Variants in NECAB3 observed in about 807,000 individuals in gnomAD.
NECAB3 encodes N-terminal EF-hand calcium-binding protein 3.
A neutral mutation model predicts 57.2 loss-of-function variants in NECAB3; 38 were observed. The ratio of observed to expected loss-of-function variants is 0.66; its 90% CI spans 0.51 to 0.87. The LOEUF (loss-of-function observed/expected upper bound fraction) is 0.87. NECAB3 is among the 40% of genes least tolerant of loss of function. NECAB3 has a pLI of 0.00. For synonymous variants in NECAB3, 223 were observed against 222.6 expected, an observed-to-expected ratio of 1.00 and a Z score of -0.02; for missense variants, 474 against 527.5, an observed-to-expected ratio of 0.90 and a Z score of 0.99.
At chr20:33,669,278 G>A (rs778441741) in intron 5 of NECAB3, 97 bp downstream of exon 5, 2 of 1,302,284 alleles carry the variant, frequency 1.5e-6, no homozygotes, top group African/African-American at 2.9e-5. Flanking sequence ...CAAGCCCCTA[G>A]CTCTATAACC....
At chr20:33,675,295 A>G (rs539246450), upstream of NECAB3, 1 of 153,404 alleles carries the variant, frequency 6.5e-6, no homozygotes, top group Admixed American at 6.5e-5. Context: ...AGGAGGTAAC[A>G]CCCGTGTCCC....
rs1473838200 is a variant in NECAB3 at position 33,660,296 on chromosome 20, C to T, written c.487G>A (p.Ala163Thr). 6 of 1,613,156 alleles carry T rather than the reference C, an allele frequency of 3.7e-6. No individual in the cohort carries two copies. Among genetic ancestry groups the T allele is most frequent in the African/African-American group, 2.7e-5 (2 of 74,930 alleles). The change falls in exon 6 of 12, where the codon GCG becomes ACG. Residue 163 changes from alanine (A) to threonine (T), a missense_variant. Coordinates refer to ENST00000246190, the MANE Select transcript of NECAB3 (RefSeq NM_031232.4). The surrounding 1 kb of genome is among the most constrained non-coding windows in gnomAD (Gnocchi z 4.1). ...GCCTGGGCCTCCAGGGTATCTGACG[C>T]CCCCTCCAGCGAGCTCTGAAGGGCT... is the stretch of plus-strand genomic sequence containing the variant. ...LQALQSSLEG[A>T]SDTLEAQAHG...
intron 5 of NECAB3, chr20:33,668,073 C>CGCGGCCCT: frequency 6.3e-7 from 1 of 1,580,514 alleles, no homozygotes; most frequent in Non-Finnish European, 8.6e-7. Context: ...GGCACGGCTA[C>CGCGGCCCT]GCGGCCCTGC....
intron 5 of NECAB3, chr20:33,667,560 G>GGCGGGC (rs1188619635): frequency 1.3e-6 from 2 of 1,551,252 alleles, no homozygotes; most frequent in Non-Finnish European, 1.7e-6. Flanking sequence ...TGGCCGTGGA[G>GGCGGGC]GCGGGCGCGG....
chr20:33,668,019 C>T, intron 5 of NECAB3: 3 of 1,541,730 alleles, frequency 1.9e-6, no homozygotes, highest in African/African-American at 1.4e-5. Flanking sequence ...TGTTTCCTGG[C>T]TTCGCCGAGC....
chr20:33,662,346 A>G (rs2017504783), intron 5 of NECAB3: 2 of 1,551,190 alleles, frequency 1.3e-6, no homozygotes, highest in South Asian at 1.2e-5. Context: ...CAGCCCTGCC[A>G]TGGGAAACTA....
chr20:33,668,112 T>C (rs1385678487), intron 5 of NECAB3: 2 of 1,609,462 alleles, frequency 1.2e-6, no homozygotes, highest in African/African-American at 1.3e-5. Flanking sequence ...AGCATGGGCG[T>C]GGCATGGCTG....
At chr20:33,658,154 C>A in intron 10 of NECAB3, 121 bp from the exon 11 acceptor site, 1 of 862,564 alleles carries the variant, frequency 1.2e-6, no homozygotes, top group Non-Finnish European at 1.8e-6. Context: ...CCCTGTGACA[C>A]GGGGAAGCTG....
chr20:33,674,270 T>A lies in NECAB3; in HGVS notation c.83A>T (p.Gln28Leu), dbSNP rs2017900165. 1 of 1,229,698 alleles carries A rather than the reference T, an allele frequency of 8.1e-7. No individual in the cohort carries two copies. Among genetic ancestry groups the A allele is most frequent in the Non-Finnish European group, 1.0e-6 (1 of 985,742 alleles). 76.2% of individuals were successfully genotyped at this position (1,229,698 alleles called of 1,614,324 possible). A position where few individuals can be genotyped will look rare whatever the true frequency, so the allele number is the denominator to read the frequency against. ...GGCGGGCCCCGGGTCGGGCGCGAGCTGGGGGTGCCGCGGGGTCTGGGGCTG... is the reference window on the plus strand; with the variant it reads ...GGCGGGCCCCGGGTCGGGCGCGAGCAGGGGGTGCCGCGGGGTCTGGGGCTG... The part of the protein sequence containing the change: ...QPQPQTPRHP[Q>L]LAPDPGPAGH... Residue 28 changes from glutamine to leucine, a missense_variant, in exon 1 of 12, where the codon CAG becomes CTG. Coordinates refer to ENST00000246190, the MANE Select transcript of NECAB3 (RefSeq NM_031232.4).
intron 5 of NECAB3, 87 bp downstream of exon 5, chr20:33,669,288 C>G (rs1260673359): frequency 1.3e-5 from 19 of 1,415,080 alleles, no homozygotes; most frequent in Non-Finnish European, 1.9e-5. Context: ...GCTCTATAAC[C>G]CTGAGTCAAG....
chr20:33,674,492 A>T, upstream of NECAB3: 1 of 789,000 alleles, frequency 1.3e-6, no homozygotes, highest in Non-Finnish European at 1.5e-6. Flanking sequence ...GCCCCCGCGG[A>T]CGCCGGGTTC....
intron 5 of NECAB3, chr20:33,667,830 G>T (rs758710940): frequency 6.2e-7 from 1 of 1,611,664 alleles, no homozygotes; most frequent in South Asian, 1.1e-5. Flanking sequence ...TGGGTAACGG[G>T]TGCTGCGTCT....
intron 5 of NECAB3, chr20:33,663,856 C>T: frequency 1.4e-6 from 2 of 1,402,320 alleles, no homozygotes; most frequent in South Asian, 3.1e-5. Flanking sequence ...CTGCCCTCGC[C>T]CGCAGCTTTA....
intron 1 of NECAB3, 21 bp downstream of exon 1, chr20:33,674,203 G>T: frequency 8.0e-7 from 1 of 1,257,308 alleles, no homozygotes; most frequent in Non-Finnish European, 1.0e-6. Context: ...GACACCGCGA[G>T]CAGAGCCCGC....
intron 5 of NECAB3, chr20:33,662,162 T>C: frequency 1.4e-6 from 1 of 713,772 alleles, no homozygotes; most frequent in South Asian, 2.0e-5. Flanking sequence ...AGCCCAGTTT[T>C]ACAGCTGAGA....
chr20:33,672,996 A>G (rs1440943923), intron 1 of NECAB3, among the ~76,000 whole-genome samples: 1 of 152,102 alleles, frequency 6.6e-6, no homozygotes, highest in Non-Finnish European at 1.5e-5. Context: ...TAACTCTTTC[A>G]GGGCTGGGGC....
In NECAB3 at chr20:33,672,397, C is replaced by G. The variant is rs1394452449; in HGVS notation, c.154+1G>C. 6.2e-7 allele frequency: 1 copy of G among 1,614,090 alleles called. No homozygotes were observed. The highest frequency in any genetic ancestry group is 8.5e-7 in the Non-Finnish European group (1 of 1,180,034). Reference sequence around the variant, plus strand: ...TGGGACCCAGGGGAAGCCACACTCACCATTCTTGTCTGCTCTGCGGAAAAC... The same window carrying G: ...TGGGACCCAGGGGAAGCCACACTCAGCATTCTTGTCTGCTCTGCGGAAAAC... On this transcript the variant is annotated splice_donor_variant, in intron 2 of 11. Transcript: ENST00000246190. LOFTEE classifies it high-confidence loss of function.
chr20:33,657,378 A>C lies in NECAB3; in HGVS notation c.*451T>G. 5.8e-6 allele frequency: 1 copy of C among 171,994 alleles called. No homozygotes were observed. The highest frequency in any genetic ancestry group is 1.2e-5 in the Non-Finnish European group (1 of 81,084). The allele number at this position is 171,994 out of a possible 1,614,324, so 10.7% of individuals were successfully genotyped here. On this transcript the variant is annotated 3_prime_UTR_variant, in exon 12 of 12. Transcript: ENST00000246190. ...CAGCTCAGGCCCAGCCTCGGAGGCA[A>C]GGTTTGAGGGTTGGGGGGTCCCTGA...
At chr20:33,663,247 A>C in intron 5 of NECAB3, 2 of 503,706 alleles carry the variant, frequency 4.0e-6, no homozygotes, top group Non-Finnish European at 7.0e-6. Context: ...CCTGGAAGGG[A>C]TCTCATAAAC....
Sources: allele counts gnomAD v4.1 joint callset (sites outside exome capture counted in the v4.1 genomes callset), GRCh38; gene constraint gnomAD v4.1.1; non-coding constraint Gnocchi (gnomAD v3.1); transcripts MANE v1.5; gene names NCBI Gene and HGNC (gene_info 2026-07-23, HGNC 2026-07-21).